FAM20B: variants seen among roughly 807,000 people sequenced by gnomAD.
The protein encoded by FAM20B is FAM20B glycosaminoglycan xylosylkinase.
FAM20B carries 23 observed loss-of-function variants against 43.8 expected under a neutral mutation model. The ratio of observed to expected loss-of-function variants is 0.53; its 90% CI spans 0.38 to 0.74. FAM20B has a LOEUF of 0.74. FAM20B is among the 30% of genes least tolerant of loss of function. The probability of loss-of-function intolerance (pLI) is 0.00; values close to 1 mark genes in which losing one functional copy is unlikely to be tolerated. For synonymous variants in FAM20B, 178 were observed against 192.4 expected (o/e 0.93, Z 0.62); for missense variants, 440 against 510.5 (o/e 0.86, Z 1.33).
the FAM20B span, among the ~76,000 whole-genome samples, chr1:179,018,513 G>A: frequency 7.3e-4 from 111 of 152,088 alleles, no homozygotes; most frequent in African/African-American, 2.4e-3. Context: ...CACTATGTTG[G>A]CCAGGTTGGT....
chr1:179,051,372 C>A (rs1207506667), intron 3 of FAM20B, among the ~76,000 whole-genome samples: 5 of 151,924 alleles, frequency 3.3e-5, no homozygotes, highest in African/African-American at 1.2e-4. Flanking sequence ...TACCTGTAAT[C>A]CCAACACTTT....
intron 4 of FAM20B, among the ~76,000 whole-genome samples, chr1:179,062,981 T>G (rs1417984650): frequency 2.0e-5 from 3 of 152,094 alleles, no homozygotes; most frequent in South Asian, 2.1e-4. Context: ...TTTCCTTTAA[T>G]TAAAGTGAGT....
intron 1 of FAM20B, among the ~76,000 whole-genome samples, chr1:179,038,411 C>CAA (rs34979873): frequency 0.081 from 10,737 of 132,672 alleles, 474 homozygotes; most frequent in South Asian, 0.099. Context: ...AACTGCATCT[C>CAA]AAAAAAAAAA....
At chr1:179,060,536 C>A (rs572974932) in intron 4 of FAM20B, among the ~76,000 whole-genome samples, 1 of 152,114 alleles carries the variant, frequency 6.6e-6, no homozygotes, top group Non-Finnish European at 1.5e-5. Context: ...GTGAACTGCA[C>A]ATGTGAAGGA....
At chr1:179,026,503 C>G (rs990628565) in intron 1 of FAM20B, among the ~76,000 whole-genome samples, 1 of 152,132 alleles carries the variant, frequency 6.6e-6, no homozygotes, top group Non-Finnish European at 1.5e-5. Context: ...GCCCCGGTGC[C>G]TCTCTTGTGT....
At chr1:179,071,745 A>G (rs2102530426) in intron 7 of FAM20B, among the ~76,000 whole-genome samples, 168 bp from the exon 8 acceptor site, 1 of 152,376 alleles carries the variant, frequency 6.6e-6, no homozygotes, top group Non-Finnish European at 1.5e-5. Flanking sequence ...CAATATCAAA[A>G]CATAGTAATG....
At chr1:179,066,754 G>C (rs1460716056) in intron 6 of FAM20B, 46 bp from the exon 7 acceptor site, 1 of 1,299,756 alleles carries the variant, frequency 7.7e-7, no homozygotes. Context: ...GCTAAGAAGA[G>C]AACAGTACTT....
chr1:179,054,290 TA>T (rs1215378097), intron 3 of FAM20B, among the ~76,000 whole-genome samples: 1 of 152,150 alleles, frequency 6.6e-6, no homozygotes, highest in Non-Finnish European at 1.5e-5. Context: ...TCTGTAGATT[TA>T]AAAAGTGTTC....
At chr1:179,038,411 CA>C (rs34979873) in intron 1 of FAM20B, among the ~76,000 whole-genome samples, 104 of 132,812 alleles carry the variant, frequency 7.8e-4, no homozygotes, top group Admixed American at 1.1e-3. Context: ...AACTGCATCT[CA>C]AAAAAAAAAA....
Position 179,066,860 on chromosome 1 carries a change from G to A in FAM20B, c.998+1G>A. ...TTGCCCCTCTCTATCAGTGTTGCATGTAAGTTATGCACAGCAAATACATGT... is the reference window on the plus strand; with the variant it reads ...TTGCCCCTCTCTATCAGTGTTGCATATAAGTTATGCACAGCAAATACATGT... On this transcript the variant is annotated splice_donor_variant, in intron 7 of 7. Transcript: ENST00000263733. LOFTEE classifies it high-confidence loss of function. 6.2e-7 allele frequency: 1 copy of A among 1,602,036 alleles called. No individual in the cohort carries two copies. Among genetic ancestry groups the A allele is most frequent in the Non-Finnish European group, 8.6e-7 (1 of 1,168,994 alleles).
At chr1:179,070,515 CTTTTTT>C (rs61169246) in intron 7 of FAM20B, among the ~76,000 whole-genome samples, 10 of 57,748 alleles carry the variant, frequency 1.7e-4, no homozygotes, top group Non-Finnish European at 2.4e-4. Flanking sequence ...CTGAACTCGC[CTTTTTT>C]TTTTTTTTTT....
chr1:179,063,987 C>T lies in FAM20B; in HGVS notation c.635C>T (p.Ala212Val). 1 of 1,613,664 alleles carries T rather than the reference C, an allele frequency of 6.2e-7. No homozygotes were observed. The highest frequency in any genetic ancestry group is 8.5e-7 in the Non-Finnish European group (1 of 1,179,648). Residue 212 changes from alanine to valine, a missense_variant, in exon 5 of 8, where the codon GCT becomes GTT. By Grantham distance (64) the Ala-to-Val change is moderately conservative. Coordinates refer to ENST00000263733, the MANE Select transcript of FAM20B (RefSeq NM_014864.4). ...TGCCGAGAAACAGAACCAGCTTGTG[C>T]TGATGGAGACATAATGGAGGGATCT... The part of the protein sequence containing the change: ...YYCRETEPAC[A>V]DGDIMEGSVT...
At chr1:179,056,343 G>T (rs143522475) in intron 4 of FAM20B, among the ~76,000 whole-genome samples, 1 of 152,180 alleles carries the variant, frequency 6.6e-6, no homozygotes, top group African/African-American at 2.4e-5. Context: ...TCTTTTTACT[G>T]TCTGCATAAT....
rs1311985326 is a variant in FAM20B, at chr1:179,075,786, C to T, written c.*3642C>T. The T allele has an allele frequency of 2.6e-5, 4 of 151,542 alleles. No homozygotes were observed. Among genetic ancestry groups the T allele is most frequent in the African/African-American group, 9.7e-5 (4 of 41,178 alleles). 9.4% of individuals were successfully genotyped at this position (151,542 alleles called of 1,614,324 possible). On this transcript the variant is annotated 3_prime_UTR_variant, in exon 8 of 8. Transcript: ENST00000263733. Reference sequence around the variant, plus strand: ...CTTTTTTTTCTAAAAAAAAAAAATGCTTTTGCCTTCCCTTCCCTTCCCATC... The same window carrying T: ...CTTTTTTTTCTAAAAAAAAAAAATGTTTTTGCCTTCCCTTCCCTTCCCATC...
At chr1:179,051,710 GATCTTGGCTT>G (rs1181640951) in intron 3 of FAM20B, among the ~76,000 whole-genome samples, 1 of 152,184 alleles carries the variant, frequency 6.6e-6, no homozygotes, top group African/African-American at 2.4e-5. Context: ...GCAGTAGCCT[GATCTTGGCTT>G]ACTGCAACCT....
chr1:179,062,710 C>T (rs779439758), intron 4 of FAM20B, among the ~76,000 whole-genome samples: 3 of 152,032 alleles, frequency 2.0e-5, no homozygotes, highest in Non-Finnish European at 2.9e-5. Context: ...CTAGTATTTC[C>T]AATTCTAATT....
intron 1 of FAM20B, among the ~76,000 whole-genome samples, chr1:179,031,340 G>A (rs72707287): frequency 0.12 from 17,752 of 152,224 alleles, 1,243 homozygotes; most frequent in East Asian, 0.16. Flanking sequence ...TCCACGTAGT[G>A]TCAAGATTAC....
In FAM20B at chr1:179,063,957, A is replaced by G. The variant is rs527462559; in HGVS notation, c.605A>G (p.Tyr202Cys). The G allele has an allele frequency of 3.1e-6, 5 of 1,612,398 alleles. No individual in the cohort carries two copies. The highest frequency in any genetic ancestry group is 2.7e-5 in the African/African-American group (2 of 74,916). The change falls in exon 5 of 8, where the codon TAT becomes TGT. Residue 202 changes from tyrosine to cysteine, a missense_variant. Tyr to Cys is a radical substitution (Grantham distance 194). Coordinates refer to ENST00000263733, the MANE Select transcript of FAM20B (RefSeq NM_014864.4). ...AATACTTGTTTTTATGGGAAGTGCTATTACTGCCGAGAAACAGAACCAGCT... is the reference window on the plus strand; with the variant it reads ...AATACTTGTTTTTATGGGAAGTGCTGTTACTGCCGAGAAACAGAACCAGCT... ...GNNTCFYGKC[Y>C]YCRETEPACA...
At chr1:179,022,516 G>A (rs1413691952), upstream of FAM20B, among the ~76,000 whole-genome samples, 1 of 152,200 alleles carries the variant, frequency 6.6e-6, no homozygotes, top group Admixed American at 6.5e-5. Context: ...AAAGCACCTT[G>A]AGACAATATC....
Sources: allele counts gnomAD v4.1 joint callset (sites outside exome capture counted in the v4.1 genomes callset), GRCh38; gene constraint gnomAD v4.1.1; transcripts MANE v1.5; gene names NCBI Gene and HGNC (gene_info 2026-07-23, HGNC 2026-07-21).